The following LARP1B variants were observed in gnomAD, a reference collection of about 807,000 sequenced individuals.
LARP1B encodes the protein La ribonucleoprotein 1B, also known as la-related protein 1B.
LARP1B carries 76 observed loss-of-function variants against 114.2 expected under a neutral mutation model. The observed-to-expected ratio is 0.67, with a 90% CI of 0.55 to 0.81. The LOEUF is 0.81. Ranked by LOEUF, LARP1B falls within the 30% of genes least tolerant of loss-of-function variation. LARP1B has a pLI of 0.00. For missense variants in LARP1B, 1,014 were observed against 1,075.8 expected (o/e 0.94, Z 0.80); for synonymous variants, 345 against 348.0 (o/e 0.99, Z 0.10).
chr4:128,107,863 T>C (rs1030649677), intron 9 of LARP1B: 105 of 1,531,780 alleles, frequency 6.9e-5, no homozygotes, highest in Non-Finnish European at 8.7e-5. Context: ...GGAAAAAATG[T>C]GTGCTTAAAC....
At chr4:128,162,879 G>A (rs1348901026) in intron 12 of LARP1B, among the ~76,000 whole-genome samples, 2 of 152,028 alleles carry the variant, frequency 1.3e-5, no homozygotes, top group Non-Finnish European at 2.9e-5. Flanking sequence ...ATTTTGTCTC[G>A]ACTCCAGTAA....
chr4:128,074,549 G>T (rs1167329529), intron 2 of LARP1B, 31 bp downstream of exon 2: 92 of 772,142 alleles, frequency 1.2e-4, no homozygotes, highest in Non-Finnish European at 1.4e-4. Flanking sequence ...GTTCTTAACT[G>T]TATTGATTTT....
intron 11 of LARP1B, among the ~76,000 whole-genome samples, chr4:128,143,296 T>G (rs1402469910): frequency 6.6e-6 from 1 of 152,122 alleles, no homozygotes; most frequent in Admixed American, 6.6e-5. Context: ...GAGACCTGAT[T>G]TCAAGTTTTG....
intron 9 of LARP1B, chr4:128,108,143 T>C (rs1782736603): frequency 1.5e-6 from 2 of 1,294,552 alleles, no homozygotes; most frequent in Admixed American, 3.8e-5. Context: ...AGGAGCTGCC[T>C]ATTTCTGTGT....
intron 7 of LARP1B, among the ~76,000 whole-genome samples, chr4:128,096,204 A>G (rs1312614024): frequency 6.6e-6 from 1 of 152,096 alleles, no homozygotes; most frequent in East Asian, 1.9e-4. Flanking sequence ...CGTGTTAGCC[A>G]GGATGGTCTC....
At chr4:128,151,933 A>G (rs752471541) in intron 11 of LARP1B, among the ~76,000 whole-genome samples, 2 of 152,118 alleles carry the variant, frequency 1.3e-5, no homozygotes, top group African/African-American at 4.8e-5. Context: ...AGAACATTAC[A>G]TAGGCAATGT....
chr4:128,073,990 G>C (rs990871719), intron 1 of LARP1B, among the ~76,000 whole-genome samples: 2 of 151,622 alleles, frequency 1.3e-5, no homozygotes, highest in Non-Finnish European at 2.9e-5. Context: ...GCCCAGGCTG[G>C]AGTGGAATGG....
At chr4:128,106,922 A>T (rs188007091) in intron 8 of LARP1B, among the ~76,000 whole-genome samples, 1 of 152,192 alleles carries the variant, frequency 6.6e-6, no homozygotes, top group Non-Finnish European at 1.5e-5. Flanking sequence ...AAAATATATC[A>T]TCTGAAGTTA....
At chr4:128,174,286 A>G (rs553447095) in intron 12 of LARP1B, among the ~76,000 whole-genome samples, 11 of 151,688 alleles carry the variant, frequency 7.3e-5, no homozygotes, top group East Asian at 1.9e-4. Context: ...ATATTCATAT[A>G]TTATCCTATG....
chr4:128,182,196 C>T (rs1008082219), intron 15 of LARP1B, among the ~76,000 whole-genome samples: 7 of 150,220 alleles, frequency 4.7e-5, no homozygotes, highest in Non-Finnish European at 8.9e-5. Context: ...CCACTGCAAC[C>T]GTAACCTCCC....
intron 5 of LARP1B, among the ~76,000 whole-genome samples, chr4:128,089,080 G>T (rs1774830210): frequency 6.6e-6 from 1 of 152,066 alleles, no homozygotes; most frequent in African/African-American, 2.4e-5. Context: ...GAGTCATTTG[G>T]CATTGTCTGG....
At chr4:128,097,225 C>G (rs1778392889) in intron 7 of LARP1B, among the ~76,000 whole-genome samples, 1 of 152,048 alleles carries the variant, frequency 6.6e-6, no homozygotes, top group South Asian at 2.1e-4. Context: ...GTCTGTCTAT[C>G]AAAGAAAGAA....
chr4:128,207,931 T>TA (rs1439184848), intron 19 of LARP1B, among the ~76,000 whole-genome samples: 5 of 152,214 alleles, frequency 3.3e-5, no homozygotes, highest in African/African-American at 4.8e-5. Context: ...AGGTTGAACT[T>TA]ATATAGGCTT....
chr4:128,145,279 ACTCG>A (rs1729843130), intron 11 of LARP1B, among the ~76,000 whole-genome samples: 1 of 151,812 alleles, frequency 6.6e-6, no homozygotes. Flanking sequence ...TATTCTCTAG[ACTCG>A]AGTGTGGACC....
chr4:128,094,102 T>G (rs1019173436), intron 7 of LARP1B, among the ~76,000 whole-genome samples: 1 of 151,892 alleles, frequency 6.6e-6, no homozygotes, highest in South Asian at 2.1e-4. Context: ...AATTTTTGTA[T>G]TTTTATTAGA....
intron 11 of LARP1B, among the ~76,000 whole-genome samples, chr4:128,132,189 A>G (rs1375826063): frequency 6.6e-6 from 1 of 152,240 alleles, no homozygotes; most frequent in East Asian, 1.9e-4. Context: ...AATGTGGTAT[A>G]TCCATACAAT....
chr4:128,065,365 CT>C lies in LARP1B; in HGVS notation c.-78+3968del, dbSNP rs57804551. Among the ~76,000 whole-genome samples, 80 of 123,390 alleles carry C rather than the reference CT, an allele frequency of 6.5e-4. No individual in the cohort carries two copies. The East Asian group carries it at 0.016, about 25-fold the overall frequency. The allele number at this position is 123,390 out of a possible 152,430, so 80.9% of individuals were successfully genotyped here. ...CTTTTCTTTTCTTTTCTTTTCTTTT[CT>C]TTTCTTTTCTTTTCTTTCTTTTTTC... On this transcript the variant is annotated intron_variant, in intron 1 of 19. Transcript: ENST00000326639.
intron 11 of LARP1B, among the ~76,000 whole-genome samples, chr4:128,125,945 G>T (rs1789447407): frequency 6.6e-6 from 1 of 151,954 alleles, no homozygotes; most frequent in South Asian, 2.1e-4. Flanking sequence ...TGAAAATAAA[G>T]ATTTTTTGTG....
chr4:128,210,585 ACCTTTAGTATC>A lies in LARP1B; in HGVS notation c.*538_*548del, dbSNP rs1758806966. On this transcript the variant is annotated 3_prime_UTR_variant, in exon 20 of 20. Coordinates refer to ENST00000326639, the MANE Select transcript of LARP1B (RefSeq NM_018078.4). ...AATTCAAAAAAGAATATGAAATTAT[ACCTTTAGTATC>A]CCTTTGAGACATATAGTTTAAAGAA... The A allele has an allele frequency of 2.2e-6, 2 of 928,268 alleles. No homozygotes were observed. The highest frequency in any genetic ancestry group is 2.6e-6 in the Non-Finnish European group (2 of 777,612). 57.5% of individuals were successfully genotyped at this position (928,268 alleles called of 1,614,324 possible).
Sources: gnomAD v4.1 joint callset for allele counts (sites outside exome capture counted in the v4.1 genomes callset) on GRCh38, gnomAD v4.1.1 for gene constraint, MANE v1.5 for transcripts, NCBI Gene and HGNC (gene_info 2026-07-23, HGNC 2026-07-21) for gene names.